Variants in TMBIM1 observed in about 807,000 individuals in gnomAD.
The protein encoded by TMBIM1 is transmembrane BAX inhibitor motif containing 1, also known as protein lifeguard 3.
A neutral mutation model predicts 45.1 loss-of-function variants in TMBIM1; 34 were observed. That is an observed-to-expected ratio of 0.75 (90% CI 0.57 to 1.00). The LOEUF (loss-of-function observed/expected upper bound fraction) is 1.00. TMBIM1 is among the 50% of genes least tolerant of loss of function. The probability of loss-of-function intolerance (pLI) is 0.00; values close to 1 mark genes in which losing one functional copy is unlikely to be tolerated. For synonymous variants in TMBIM1, 157 were observed against 153.5 expected (o/e 1.02, Z -0.17); for missense variants, 374 against 402.4 (o/e 0.93, Z 0.60).
chr2:218,279,161 C>T (rs1691586363), intron 4 of TMBIM1, 70 bp from the exon 5 acceptor site: 1 of 1,594,936 alleles, frequency 6.3e-7, no homozygotes, highest in Non-Finnish European at 8.6e-7. Flanking sequence ...AGCCAGGCAG[C>T]CCTGGCTTCA....
At chr2:218,278,382 T>C in intron 6 of TMBIM1, 133 bp downstream of exon 6, 1 of 919,880 alleles carries the variant, frequency 1.1e-6, no homozygotes, top group Non-Finnish European at 1.7e-6. Flanking sequence ...ACAGTAGCTG[T>C]CATCGTCATC....
At chr2:218,276,637 A>C (rs959807506) in intron 10 of TMBIM1, among the ~76,000 whole-genome samples, 21 of 131,034 alleles carry the variant, frequency 1.6e-4, no homozygotes, top group African/African-American at 5.5e-4. Context: ...AATTGGATCC[A>C]GAGACCCCCG....
rs950122058 is a variant in TMBIM1, at chr2:218,274,343, C to T, written c.*1132G>A. 3.2e-5 allele frequency: 5 copies of T among 155,012 alleles called. No individual in the cohort carries two copies. The highest frequency in any genetic ancestry group is 3.8e-4 in the East Asian group (2 of 5,328). 9.6% of individuals were successfully genotyped at this position (155,012 alleles called of 1,614,324 possible). ...CCCCACCCGACAGACTGACCCTTGT[C>T]CCCCTTCCCCATTCCAGCTCAAGGC... is the stretch of plus-strand genomic sequence containing the variant. On this transcript the variant is annotated 3_prime_UTR_variant, in exon 12 of 12. Coordinates refer to ENST00000258412, the MANE Select transcript of TMBIM1 (RefSeq NM_022152.6).
At chr2:218,283,954 CAGG>C in intron 1 of TMBIM1, 2 of 152,122 alleles carry the variant, frequency 1.3e-5, no homozygotes, top group Non-Finnish European at 2.9e-5. Context: ...ATCATGAGGT[CAGG>C]AGTTCGAGAC....
At position 218,277,129 on chromosome 2, in the gene TMBIM1, CAG is replaced by C. The variant is rs748511896; in HGVS notation, c.640-32_640-31del. 5.6e-6 allele frequency: 9 copies of C among 1,597,114 alleles called. No homozygotes were observed. The African/African-American group carries it at 1.1e-4, about 19-fold the overall frequency. On this transcript the variant is annotated intron_variant, in intron 9 of 11. Transcript: ENST00000258412. ...CAGGAAGCAAGAAAGAGGCACCTGT[CAG>C]ATGGCTGTGACAACCAGCCCAGTCA...
intron 1 of TMBIM1, chr2:218,284,326 C>G (rs1031924528): frequency 2.6e-5 from 4 of 152,344 alleles, no homozygotes; most frequent in African/African-American, 9.6e-5. Flanking sequence ...TAACAACAGA[C>G]TATGATTCTG....
chr2:218,281,969 G>A lies in TMBIM1; in HGVS notation c.173C>T (p.Pro58Leu), dbSNP rs1211384634. 3 of 1,603,618 alleles carry A rather than the reference G, an allele frequency of 1.9e-6. No individual in the cohort carries two copies. Among genetic ancestry groups the A allele is most frequent in the Non-Finnish European group, 2.6e-6 (3 of 1,176,202 alleles). Residue 58 changes from proline (P) to leucine (L), a missense_variant, in exon 2 of 12, where the codon CCC becomes CTC. Pro to Leu is a moderately conservative substitution (Grantham distance 98, BLOSUM62 -3). Coordinates refer to ENST00000258412, the MANE Select transcript of TMBIM1 (RefSeq NM_022152.6). ...GHPAGYPQPMPPTHPMPMNYG... is the reference protein window; with the variant it reads ...GHPAGYPQPMLPTHPMPMNYG... ...GTTCATGGGCATCGGGTGGGTGGGG[G>A]GCATGGGCTGTGGGTAGCCAGCAGG...
Position 218,275,556 on chromosome 2 carries a change from G to A in TMBIM1, c.855C>T (p.Tyr285=). ...NRKHTISPED[Y]ITGALQIYTD... ...TGTAAATCTGCAGGGCGCCAGTGAT[G>A]TAGTCCTCGGGGCTGATGGTGTGCT... The change falls in exon 12 of 12, where the codon TAC becomes TAT. Residue 285 remains tyrosine (Y), a synonymous_variant. Coordinates refer to ENST00000258412, the MANE Select transcript of TMBIM1 (RefSeq NM_022152.6). The A allele has an allele frequency of 6.2e-7, 1 of 1,614,034 alleles. No individual in the cohort carries two copies. The highest frequency in any genetic ancestry group is 1.1e-5 in the South Asian group (1 of 91,068).
rs764689536 is a variant in TMBIM1, at chr2:218,275,457, A to C, written c.*18T>G. The C allele has an allele frequency of 6.2e-7, 1 of 1,607,820 alleles. No homozygotes were observed. Among genetic ancestry groups the C allele is most frequent in the Non-Finnish European group, 8.5e-7 (1 of 1,176,448 alleles). On this transcript the variant is annotated 3_prime_UTR_variant, in exon 12 of 12. Transcript: ENST00000258412. ...GGAAGGGAGAGCCCAGGATCGGGTG[A>C]AAATGGGGGCTTGCTCCTTAATTGC...
At chr2:218,281,542 A>G (rs1293798016) in intron 2 of TMBIM1, among the ~76,000 whole-genome samples, 1 of 152,218 alleles carries the variant, frequency 6.6e-6, no homozygotes, top group Admixed American at 6.5e-5. Flanking sequence ...AAGGATGAGG[A>G]AAGTGGTTCA....
At chr2:218,283,809 G>C (rs1441478852) in intron 1 of TMBIM1, among the ~76,000 whole-genome samples, 2 of 152,150 alleles carry the variant, frequency 1.3e-5, no homozygotes, top group Non-Finnish European at 2.9e-5. Flanking sequence ...GTTATTTTGA[G>C]GAAAGCTGTT....
rs149918022 is a variant in TMBIM1 at position 218,276,395 on chromosome 2, T to C, written c.736-316A>G. On this transcript the variant is annotated intron_variant, in intron 10 of 11. Coordinates refer to ENST00000258412, the MANE Select transcript of TMBIM1 (RefSeq NM_022152.6). ...TGAAAGGGGCAGACCCAGCATTCAA[T>C]AGACCAGTTCCTACAGCCCAGCCTG... 3.3e-5 allele frequency among the ~76,000 whole-genome samples: 5 copies of C among 152,278 alleles called. No homozygotes were observed. The East Asian group carries it at 7.7e-4, about 24-fold the overall frequency.
rs1574629302 is a variant in TMBIM1 at position 218,277,533 on chromosome 2, C to T, written c.552-80G>A. ...TCAAAATCACCACTTCCAGAGGGGA[C>T]CTGCCCAGAATCCACCCACGCAGCT... On this transcript the variant is annotated intron_variant, in intron 8 of 11. Coordinates refer to ENST00000258412, the MANE Select transcript of TMBIM1 (RefSeq NM_022152.6). 3.1e-6 allele frequency: 5 copies of T among 1,606,538 alleles called. No homozygotes were observed. In the East Asian group the frequency reaches 8.9e-5, roughly 29 times the overall value.
intron 1 of TMBIM1, among the ~76,000 whole-genome samples, chr2:218,283,436 G>A (rs1472144782): frequency 4.6e-5 from 7 of 152,180 alleles, no homozygotes; most frequent in African/African-American, 1.7e-4. Flanking sequence ...AGGTAGCAGA[G>A]ATGCAGGCTT....
intron 5 of TMBIM1, 94 bp downstream of exon 5, chr2:218,278,944 G>T: frequency 6.8e-7 from 1 of 1,478,916 alleles, no homozygotes; most frequent in Non-Finnish European, 9.3e-7. Context: ...CTCTCAAAAA[G>T]CATTTTGATC....
At chr2:218,278,249 C>G (rs916677621) in intron 6 of TMBIM1, 4 of 603,658 alleles carry the variant, frequency 6.6e-6, no homozygotes, top group Non-Finnish European at 1.2e-5. Context: ...GTTACTCAGC[C>G]TCTTTGAGCC....
Position 218,277,409 on chromosome 2 carries a change from G to T in TMBIM1, c.596C>A (p.Ala199Glu). Residue 199 changes from alanine (A) to glutamate (E), a missense_variant, in exon 9 of 12, where the codon GCG becomes GAG. Transcript: ENST00000258412. ...GATGGTGACTGAAATGGATACCACC[G>T]CAGTGATGATCATTGCAATGATGAC... ...KAVIIAMIITAVVSISVTIFC... is the reference protein window; with the variant it reads ...KAVIIAMIITEVVSISVTIFC... 1.2e-6 allele frequency: 2 copies of T among 1,614,166 alleles called. No homozygotes were observed. The highest frequency in any genetic ancestry group is 1.7e-6 in the Non-Finnish European group (2 of 1,180,044).
intron 10 of TMBIM1, 48 bp from the exon 11 acceptor site, chr2:218,276,127 A>G: frequency 6.3e-7 from 1 of 1,582,694 alleles, no homozygotes; most frequent in Non-Finnish European, 8.6e-7. Context: ...TCAGCAAACC[A>G]CAGGCCCACA....
At chr2:218,282,244 G>GT in intron 1 of TMBIM1, 63 bp from the exon 2 acceptor site, 1 of 987,780 alleles carries the variant, frequency 1.0e-6, no homozygotes, top group Non-Finnish European at 1.4e-6. Context: ...AGCCTCATGG[G>GT]CCCACTTCCA....
Sources: allele counts gnomAD v4.1 joint callset (sites outside exome capture counted in the v4.1 genomes callset), GRCh38; gene constraint gnomAD v4.1.1; transcripts MANE v1.5; gene names NCBI Gene and HGNC (gene_info 2026-07-23, HGNC 2026-07-21).